The following CNIH4 variants were observed in gnomAD, a reference collection of about 807,000 sequenced individuals.
CNIH4 encodes cornichon family member 4, also known as protein cornichon homolog 4.
Under a neutral mutation model 21.5 loss-of-function variants are expected in CNIH4, and 9 were observed. The observed-to-expected ratio is 0.42, with a 90% confidence interval of 0.25 to 0.73. The LOEUF is 0.73. CNIH4 is among the 30% of genes least tolerant of loss of function. The probability of loss-of-function intolerance (pLI) is 0.27; values close to 1 mark genes in which losing one functional copy is unlikely to be tolerated. For synonymous variants in CNIH4, 67 were observed against 59.1 expected, an observed-to-expected ratio of 1.13 and a Z score of -0.61; for missense variants, 159 against 170.0, an observed-to-expected ratio of 0.94 and a Z score of 0.36.
At position 224,379,030 on chromosome 1, in the gene CNIH4, G is replaced by C. The variant is rs961446513; in HGVS notation, c.*3208G>C. ...AGTGCTCCTATGTGCATCTTAGTAC[G>C]TATCATTTTCCCTTGCCTTTTTCCT... On this transcript the variant is annotated 3_prime_UTR_variant, in exon 5 of 5. Transcript: ENST00000465271. 2 of 1,548,182 alleles carry C rather than the reference G, an allele frequency of 1.3e-6. No homozygotes were observed. The highest frequency in any genetic ancestry group is 2.4e-5 in the South Asian group (2 of 84,034).
chr1:224,362,145 AT>A (rs1278368926), intron 2 of CNIH4, among the ~76,000 whole-genome samples: 9 of 150,392 alleles, frequency 6.0e-5, no homozygotes, highest in African/African-American at 1.7e-4. Context: ...CAGTGGTGCG[AT>A]CTTGGCTCAC....
chr1:224,356,880 T>G lies in CNIH4; in HGVS notation c.-45T>G. 1.3e-6 allele frequency: 2 copies of G among 1,547,198 alleles called. No homozygotes were observed. The highest frequency in any genetic ancestry group is 1.8e-6 in the Non-Finnish European group (2 of 1,134,150). ...GGCCTATCAGGGGTGGGTCGGGGCA[T>G]CCGAGCGGGTTTGACGGAAGGAGCG... On this transcript the variant is annotated 5_prime_UTR_variant, in exon 1 of 5. Coordinates refer to ENST00000465271, the MANE Select transcript of CNIH4 (RefSeq NM_014184.4).
chr1:224,367,296 A>G (rs1672492183), intron 3 of CNIH4, among the ~76,000 whole-genome samples: 1 of 152,158 alleles, frequency 6.6e-6, no homozygotes, highest in Non-Finnish European at 1.5e-5. Flanking sequence ...AGAAAAAAAT[A>G]AAGTAGGGTT....
Position 224,376,115 on chromosome 1 carries a change from CT to C in CNIH4, c.*296del, listed in dbSNP as rs1265317442. 4.5e-6 allele frequency: 5 copies of C among 1,116,198 alleles called. No individual in the cohort carries two copies. In the African/African-American group the frequency reaches 8.1e-5, roughly 18 times the overall value. The allele number at this position is 1,116,198 out of a possible 1,614,324, so 69.1% of individuals were successfully genotyped here. ...TGTAGGAACAGGACTGCCATCCCAG[CT>C]TTGCATGCCAAAGAAATAAAGAACA... On this transcript the variant is annotated 3_prime_UTR_variant, in exon 5 of 5. Transcript: ENST00000465271.
intron 4 of CNIH4, among the ~76,000 whole-genome samples, chr1:224,374,825 C>A (rs1055682078): frequency 5.3e-5 from 8 of 152,096 alleles, no homozygotes; most frequent in Non-Finnish European, 1.0e-4. Context: ...TTTATGCTGA[C>A]CCATAGTAAA....
At chr1:224,365,568 A>G (rs1672428044) in intron 2 of CNIH4, among the ~76,000 whole-genome samples, 1 of 152,250 alleles carries the variant, frequency 6.6e-6, no homozygotes, top group South Asian at 2.1e-4. Flanking sequence ...CATAGATACT[A>G]GAATAGGAAC....
At chr1:224,358,474 G>C (rs1212005210) in intron 1 of CNIH4, among the ~76,000 whole-genome samples, 1 of 152,242 alleles carries the variant, frequency 6.6e-6, no homozygotes, top group Non-Finnish European at 1.5e-5. Flanking sequence ...ACTAGAGCAA[G>C]CTTGTCCAAC....
chr1:224,374,907 G>C (rs1672737790), intron 4 of CNIH4, among the ~76,000 whole-genome samples: 1 of 152,124 alleles, frequency 6.6e-6, no homozygotes. Flanking sequence ...ATTTAGTATG[G>C]TTGAATTTGG....
rs377577600 is a variant in CNIH4 at position 224,375,766 on chromosome 1, T to C, written c.393-29T>C. The C allele has an allele frequency of 1.4e-5, 23 of 1,613,624 alleles. No homozygotes were observed. In the African/African-American group the frequency reaches 2.0e-4, roughly 14 times the overall value. On this transcript the variant is annotated intron_variant, in intron 4 of 4. Coordinates refer to ENST00000465271, the MANE Select transcript of CNIH4 (RefSeq NM_014184.4). Reference sequence around the variant, plus strand: ...CTGTAGGAACATTCCTGAGAAAACATTAGTGACATTCATTTCTTCTTTCCA... The same window carrying C: ...CTGTAGGAACATTCCTGAGAAAACACTAGTGACATTCATTTCTTCTTTCCA...
intron 2 of CNIH4, chr1:224,364,369 A>G: frequency 1.0e-6 from 1 of 985,442 alleles, no homozygotes; most frequent in Non-Finnish European, 1.2e-6. Context: ...GAGTATTAGT[A>G]TAACATCAGC....
Position 224,371,803 on chromosome 1 carries a change from G to C in CNIH4, c.392+380G>C, listed in dbSNP as rs541912034. On this transcript the variant is annotated intron_variant, in intron 4 of 4. Transcript: ENST00000465271. ...ACTAAAAATACAAAATTAGGTGGGC[G>C]TGGTGGCACATGCCTGTAATCCCAG... Among the ~76,000 whole-genome samples, 14 of 152,290 alleles carry C rather than the reference G, an allele frequency of 9.2e-5. No individual in the cohort carries two copies. The South Asian group carries it at 2.7e-3, about 29-fold the overall frequency.
At chr1:224,374,518 G>A (rs551926534) in intron 4 of CNIH4, among the ~76,000 whole-genome samples, 17 of 152,068 alleles carry the variant, frequency 1.1e-4, no homozygotes, top group Non-Finnish European at 2.1e-4. Context: ...AGGTTCCAGG[G>A]ATTCTCTTGC....
chr1:224,365,856 A>G (rs1235756789), intron 2 of CNIH4, 23 bp from the exon 3 acceptor site: 1 of 1,313,636 alleles, frequency 7.6e-7, no homozygotes, highest in Non-Finnish European at 1.1e-6. Context: ...AGTGAGATGT[A>G]ATACTGTGTT....
intron 1 of CNIH4, 180 bp downstream of exon 1, chr1:224,357,173 G>C: frequency 1.6e-6 from 1 of 641,428 alleles, no homozygotes; most frequent in East Asian, 2.8e-5. Flanking sequence ...GAGGCTGGCT[G>C]CCCTACCCGA....
In CNIH4 at chr1:224,365,870, C is replaced by G. The variant is rs781601229; in HGVS notation, c.139-9C>G. ...CAGTGAGATGTAATACTGTGTTCTT[C>G]CATTGCAGTGGGTAATTCCAGAATT... On this transcript the variant is annotated splice_polypyrimidine_tract_variant and intron_variant, in intron 2 of 4. Transcript: ENST00000465271. 1.3e-6 allele frequency: 2 copies of G among 1,494,848 alleles called. No individual in the cohort carries two copies. The highest frequency in any genetic ancestry group is 1.9e-6 in the Non-Finnish European group (2 of 1,071,346). 92.6% of individuals were successfully genotyped at this position (1,494,848 alleles called of 1,614,324 possible).
intron 2 of CNIH4, chr1:224,364,080 G>A: frequency 1.0e-6 from 1 of 985,376 alleles, no homozygotes; most frequent in Non-Finnish European, 1.2e-6. Context: ...ATAATAAGGT[G>A]AAGTCTTGCT....
At chr1:224,364,235 C>A (rs200759262) in intron 2 of CNIH4, 2 of 984,054 alleles carry the variant, frequency 2.0e-6, no homozygotes, top group Non-Finnish European at 1.2e-6. Flanking sequence ...AAAAATAAAA[C>A]AAGAGGAAAA....
At chr1:224,358,783 C>T (rs1183187080) in intron 1 of CNIH4, among the ~76,000 whole-genome samples, 1 of 152,154 alleles carries the variant, frequency 6.6e-6, no homozygotes, top group Non-Finnish European at 1.5e-5. Context: ...CCCTGGTTTA[C>T]ACCAATTTAT....
intron 4 of CNIH4, among the ~76,000 whole-genome samples, chr1:224,372,260 T>G (rs1479406268): frequency 6.6e-6 from 1 of 152,230 alleles, no homozygotes; most frequent in Non-Finnish European, 1.5e-5. Context: ...TAGTCCTGTT[T>G]TAAATTATTC....
Sources: gnomAD v4.1 joint callset for allele counts (sites outside exome capture counted in the v4.1 genomes callset) on GRCh38, gnomAD v4.1.1 for gene constraint, MANE v1.5 for transcripts, NCBI Gene and HGNC (gene_info 2026-07-23, HGNC 2026-07-21) for gene names.